Variants in RARB observed in about 807,000 individuals in gnomAD.
RARB encodes the protein retinoic acid receptor beta, also known as HBV-activated protein.
RARB carries 17 observed loss-of-function variants against 51.9 expected under a neutral mutation model. The observed-to-expected ratio is 0.33, with a 90% confidence interval of 0.22 to 0.49. The LOEUF (loss-of-function observed/expected upper bound fraction) is 0.49, where lower values mean the gene tolerates loss of function less well. Ranked by LOEUF, RARB falls within the 20% of genes least tolerant of loss-of-function variation. The pLI is 0.99. For missense variants in RARB, 369 were observed against 550.8 expected, an observed-to-expected ratio of 0.67 and a Z score of 3.30; for synonymous variants, 215 against 195.4, an observed-to-expected ratio of 1.10 and a Z score of -0.84.
intron 5 of RARB, among the ~76,000 whole-genome samples, chr3:25,358,201 A>G (rs543778199): frequency 1.3e-5 from 2 of 152,140 alleles, no homozygotes; most frequent in South Asian, 4.1e-4. Flanking sequence ...TTCACATCCC[A>G]TGTAAGTTGT....
At chr3:25,216,935 C>A (rs1020423122) in intron 5 of RARB, among the ~76,000 whole-genome samples, 2 of 151,936 alleles carry the variant, frequency 1.3e-5, no homozygotes, top group Non-Finnish European at 2.9e-5. Context: ...CTTTCTCTGG[C>A]CTATGTATTT....
chr3:25,440,941 G>T (rs73042239), intron 1 of RARB, among the ~76,000 whole-genome samples: 67,865 of 151,748 alleles, frequency 0.45, 16,750 homozygotes, highest in Middle Eastern at 0.59. Flanking sequence ...AAATTCACAC[G>T]CAAATGAAGA....
intron 5 of RARB, among the ~76,000 whole-genome samples, chr3:25,334,800 A>G (rs1425264448): frequency 6.6e-6 from 1 of 152,184 alleles, no homozygotes; most frequent in Non-Finnish European, 1.5e-5. Flanking sequence ...TTAAATTGTT[A>G]TCTTTCTTTT....
intron 5 of RARB, among the ~76,000 whole-genome samples, chr3:25,208,869 A>G (rs553359766): frequency 3.3e-5 from 5 of 152,190 alleles, no homozygotes; most frequent in African/African-American, 9.6e-5. Context: ...TGCCTACTTC[A>G]TTATCTTTAG....
intron 1 of RARB, among the ~76,000 whole-genome samples, chr3:24,847,970 A>G (rs1355189331): frequency 1.3e-5 from 2 of 152,232 alleles, no homozygotes; most frequent in African/African-American, 4.8e-5. Flanking sequence ...AGAGCATTTT[A>G]GGGGCACACT....
At chr3:25,420,047 A>AT (rs1208991517) in intron 5 of RARB, among the ~76,000 whole-genome samples, 2 of 152,054 alleles carry the variant, frequency 1.3e-5, no homozygotes, top group Non-Finnish European at 2.9e-5. Flanking sequence ...GAGAAAAACT[A>AT]TTTTTTTAAC....
At chr3:25,512,828 G>A (rs1488570434) in intron 3 of RARB, among the ~76,000 whole-genome samples, 1 of 152,160 alleles carries the variant, frequency 6.6e-6, no homozygotes, top group African/African-American at 2.4e-5. Flanking sequence ...GGAGCTTTTG[G>A]TGTCTGTGTG....
intron 4 of RARB, among the ~76,000 whole-genome samples, chr3:25,138,306 C>T (rs1188484706): frequency 6.6e-6 from 1 of 150,930 alleles, no homozygotes; most frequent in East Asian, 1.9e-4. Context: ...GTCTGTGATA[C>T]AACCTTTTGA....
At chr3:24,852,951 C>G (rs1262560512) in intron 1 of RARB, among the ~76,000 whole-genome samples, 1 of 151,982 alleles carries the variant, frequency 6.6e-6, no homozygotes, top group Non-Finnish European at 1.5e-5. Flanking sequence ...TACTAAAAAC[C>G]TTTGAACTGT....
intron 2 of RARB, among the ~76,000 whole-genome samples, chr3:25,015,925 G>A (rs912505490): frequency 8.5e-5 from 13 of 152,204 alleles, no homozygotes; most frequent in African/African-American, 3.1e-4. Flanking sequence ...CAGCTCAACT[G>A]ATCCCAGTGG....
intron 5 of RARB, among the ~76,000 whole-genome samples, chr3:25,208,675 A>G (rs1179749399): frequency 6.6e-6 from 1 of 152,062 alleles, no homozygotes; most frequent in African/African-American, 2.4e-5. Context: ...CTGACCTGAC[A>G]ATGCTGTCTC....
chr3:25,574,111 A>G (rs891078404), intron 4 of RARB, among the ~76,000 whole-genome samples: 1 of 152,220 alleles, frequency 6.6e-6, no homozygotes. Context: ...GCTTTCCAAA[A>G]TAGAATCAGG....
At chr3:25,547,294 T>C in intron 3 of RARB, among the ~76,000 whole-genome samples, 1 of 151,888 alleles carries the variant, frequency 6.6e-6, no homozygotes, top group East Asian at 1.9e-4. Flanking sequence ...AGGCCAGGAG[T>C]GTCACCCTGG....
chr3:25,094,406 T>C (rs1026060927), intron 3 of RARB, among the ~76,000 whole-genome samples: 6 of 152,012 alleles, frequency 3.9e-5, no homozygotes, highest in Admixed American at 1.3e-4. Flanking sequence ...GAAGGTAATA[T>C]CATTCTCATT....
chr3:24,972,009 ATTCTC>A (rs1454988291), intron 2 of RARB, among the ~76,000 whole-genome samples: 35 of 151,738 alleles, frequency 2.3e-4, no homozygotes, highest in African/African-American at 7.5e-4. Flanking sequence ...CATTCGAGTT[ATTCTC>A]TTCTAGCTAT....
intron 5 of RARB, among the ~76,000 whole-genome samples, chr3:25,192,889 G>A (rs1366850477): frequency 1.3e-5 from 2 of 152,026 alleles, no homozygotes; most frequent in African/African-American, 4.8e-5. Flanking sequence ...CCTACTGTAT[G>A]TCAGACAACT....
At position 25,231,069 on chromosome 3, in the gene RARB, T is replaced by C. The variant is rs369705684; in HGVS notation, c.178+56494T>C. ...ACAGAATGTGCTTTGTAAGTTTGTTTTATTGGCTTGGAGCTCCTGAGGATA... is the reference window on the plus strand; with the variant it reads ...ACAGAATGTGCTTTGTAAGTTTGTTCTATTGGCTTGGAGCTCCTGAGGATA... On this transcript the variant is annotated intron_variant, in intron 5 of 11. Transcript: ENST00000383772. 1.4e-3 allele frequency among the ~76,000 whole-genome samples: 208 copies of C among 152,286 alleles called. 1 individual carries two copies. The highest frequency in any genetic ancestry group is 4.8e-3 in the African/African-American group (200 of 41,578).
At chr3:25,203,431 A>G (rs1701448711) in intron 5 of RARB, among the ~76,000 whole-genome samples, 2 of 152,136 alleles carry the variant, frequency 1.3e-5, no homozygotes, top group Non-Finnish European at 2.9e-5. Context: ...GCCCATTTAC[A>G]TTTAAGGTTA....
chr3:25,345,981 G>A, intron 5 of RARB: 1 of 683,270 alleles, frequency 1.5e-6, no homozygotes, highest in Non-Finnish European at 1.8e-6. Context: ...GTTTGGGGCT[G>A]GCTCCGATGA....
Sources: allele counts gnomAD v4.1 joint callset (sites outside exome capture counted in the v4.1 genomes callset), GRCh38; gene constraint gnomAD v4.1.1; transcripts MANE v1.5; gene names NCBI Gene and HGNC (gene_info 2026-07-23, HGNC 2026-07-21).